Variants in ARSB observed in about 807,000 individuals in gnomAD.
The protein encoded by ARSB is N-acetylgalactosamine-4-sulfatase.
ARSB carries 41 observed loss-of-function variants against 50.9 expected under a neutral mutation model. The ratio of observed to expected loss-of-function variants is 0.81; its 90% CI spans 0.63 to 1.04. The LOEUF (loss-of-function observed/expected upper bound fraction) is 1.04. Ranked by LOEUF, ARSB falls within the 50% of genes least tolerant of loss-of-function variation. ARSB has a pLI of 0.00. For synonymous variants in ARSB, 269 were observed against 284.8 expected, an observed-to-expected ratio of 0.94 and a Z score of 0.56; for missense variants, 672 against 693.3, an observed-to-expected ratio of 0.97 and a Z score of 0.35.
intron 4 of ARSB, among the ~76,000 whole-genome samples, chr5:78,903,258 G>GA (rs746480246): frequency 6.6e-6 from 1 of 152,032 alleles, no homozygotes; most frequent in Non-Finnish European, 1.5e-5. Context: ...GTGCGTTAAA[G>GA]AAAAAATCCT....
intron 3 of ARSB, among the ~76,000 whole-genome samples, chr5:78,956,624 C>T (rs932704127): frequency 6.6e-6 from 1 of 152,050 alleles, no homozygotes; most frequent in African/African-American, 2.4e-5. Flanking sequence ...CTAATCCAAA[C>T]AAATAATAAT....
intron 6 of ARSB, among the ~76,000 whole-genome samples, chr5:78,834,605 G>GTATATATATATA (rs1339499167): frequency 1.5e-5 from 1 of 65,262 alleles, no homozygotes; most frequent in African/African-American, 6.0e-5. Context: ...GTATATATAT[G>GTATATATATATA]TGTATATATA....
At chr5:78,801,980 T>C (rs1015885940) in intron 6 of ARSB, among the ~76,000 whole-genome samples, 3 of 152,158 alleles carry the variant, frequency 2.0e-5, no homozygotes, top group Admixed American at 1.3e-4. Flanking sequence ...TTAACTAATC[T>C]GTCATTCTCC....
chr5:78,793,401 G>T (rs559452955), intron 6 of ARSB, among the ~76,000 whole-genome samples: 1 of 152,302 alleles, frequency 6.6e-6, no homozygotes, highest in South Asian at 2.1e-4. Flanking sequence ...CACATAGTGG[G>T]GACAGGGAGG....
intron 1 of ARSB, among the ~76,000 whole-genome samples, chr5:78,972,543 A>C (rs563748280): frequency 1.3e-3 from 203 of 150,416 alleles, no homozygotes; most frequent in African/African-American, 1.9e-3. Context: ...ACACACACAC[A>C]CCCCAAATCA....
chr5:78,868,503 A>G (rs1240366212), intron 5 of ARSB, among the ~76,000 whole-genome samples: 2 of 126,138 alleles, frequency 1.6e-5, no homozygotes, highest in African/African-American at 3.0e-5. Context: ...GTGGGGGCCA[A>G]TATTCAACAT....
chr5:78,940,666 C>T (rs1268135973), intron 4 of ARSB, among the ~76,000 whole-genome samples: 1 of 152,170 alleles, frequency 6.6e-6, no homozygotes, highest in African/African-American at 2.4e-5. Context: ...GTACCAGTAC[C>T]ATGCTGTTTC....
intron 3 of ARSB, among the ~76,000 whole-genome samples, chr5:78,960,718 C>G (rs1051921095): frequency 6.6e-6 from 1 of 152,084 alleles, no homozygotes; most frequent in Non-Finnish European, 1.5e-5. Flanking sequence ...GTGCATGCCA[C>G]CAGGCCTGGC....
intron 4 of ARSB, among the ~76,000 whole-genome samples, chr5:78,941,225 T>G (rs1750905165): frequency 6.6e-6 from 1 of 151,566 alleles, no homozygotes; most frequent in African/African-American, 2.4e-5. Flanking sequence ...TCATGTCATC[T>G]GCAAACAGGG....
chr5:78,852,215 T>C (rs1172420477), intron 5 of ARSB, among the ~76,000 whole-genome samples: 9 of 152,234 alleles, frequency 5.9e-5, no homozygotes, highest in Non-Finnish European at 1.0e-4. Context: ...TTCCTTTCCA[T>C]GTTTAGTGCT....
chr5:78,826,595 G>A (rs1187300764), intron 6 of ARSB, among the ~76,000 whole-genome samples: 1 of 152,060 alleles, frequency 6.6e-6, no homozygotes, highest in Non-Finnish European at 1.5e-5. Context: ...TGTCAACAAT[G>A]GTTAGTTTCT....
At chr5:78,804,919 T>C (rs1235395020) in intron 6 of ARSB, among the ~76,000 whole-genome samples, 1 of 152,238 alleles carries the variant, frequency 6.6e-6, no homozygotes, top group African/African-American at 2.4e-5. Context: ...CAAGCTCCTT[T>C]CATATTACAC....
chr5:78,840,902 C>T (rs1045175211), intron 5 of ARSB, among the ~76,000 whole-genome samples: 2 of 152,082 alleles, frequency 1.3e-5, no homozygotes, highest in Admixed American at 1.3e-4. Flanking sequence ...GGTTTGATCC[C>T]AGAAGCTCTG....
intron 4 of ARSB, among the ~76,000 whole-genome samples, chr5:78,955,040 A>C (rs557182154): frequency 5.3e-5 from 8 of 152,328 alleles, no homozygotes; most frequent in African/African-American, 1.9e-4. Context: ...ATGTCCACTC[A>C]TACTTACTCA....
At chr5:78,863,975 T>C (rs529883323) in intron 5 of ARSB, among the ~76,000 whole-genome samples, 11 of 152,018 alleles carry the variant, frequency 7.2e-5, no homozygotes, top group African/African-American at 2.7e-4. Context: ...CCTTCATACA[T>C]TCTCTTTAAA....
At chr5:78,880,934 A>G (rs1040817967) in intron 5 of ARSB, among the ~76,000 whole-genome samples, 13 of 152,198 alleles carry the variant, frequency 8.5e-5, no homozygotes, top group Admixed American at 2.6e-4. Flanking sequence ...CCATCTTGCA[A>G]CAATTTAAGA....
chr5:78,871,263 G>C (rs1747154733), intron 5 of ARSB, among the ~76,000 whole-genome samples: 1 of 152,074 alleles, frequency 6.6e-6, no homozygotes, highest in African/African-American at 2.4e-5. Context: ...CAGGTTCAAT[G>C]CCAACCCCAT....
At chr5:78,900,523 G>T (rs1219579674) in intron 4 of ARSB, among the ~76,000 whole-genome samples, 1 of 152,104 alleles carries the variant, frequency 6.6e-6, no homozygotes, top group East Asian at 1.9e-4. Flanking sequence ...ACTCGCAGAC[G>T]TGGAAATCTG....
rs1047502068 is a variant in ARSB, at chr5:78,777,558, A to C, written c.*2839T>G. On this transcript the variant is annotated 3_prime_UTR_variant, in exon 8 of 8. Coordinates refer to ENST00000264914, the MANE Select transcript of ARSB (RefSeq NM_000046.5). The stretch of plus-strand genomic sequence containing the variant: ...ATTAAATAAGCAAAACCTTCTGTAA[A>C]GGTAAAAAAATTTGCCGGGCACAGT... 6.6e-6 allele frequency: 1 copy of C among 152,590 alleles called. No individual in the cohort carries two copies. The highest frequency in any genetic ancestry group is 1.5e-5 in the Non-Finnish European group (1 of 68,034). The allele number at this position is 152,590 out of a possible 1,614,324, so 9.5% of individuals were successfully genotyped here.
Sources: allele counts gnomAD v4.1 joint callset (sites outside exome capture counted in the v4.1 genomes callset), GRCh38; gene constraint gnomAD v4.1.1; transcripts MANE v1.5; gene names NCBI Gene and HGNC (gene_info 2026-07-23, HGNC 2026-07-21).